TMC4: variants seen among roughly 807,000 people sequenced by gnomAD.
TMC4 encodes the protein transmembrane channel like 4.
Under a neutral mutation model 82.0 loss-of-function variants are expected in TMC4, and 70 were observed. That is an observed-to-expected ratio of 0.85 (90% CI 0.70 to 1.04). The LOEUF (loss-of-function observed/expected upper bound fraction) is 1.04, where lower values mean the gene tolerates loss of function less well. TMC4 is among the 50% of genes least tolerant of loss of function. The pLI is 0.00. For missense variants in TMC4, 879 were observed against 899.0 expected (o/e 0.98, Z 0.28); for synonymous variants, 446 against 406.0 (o/e 1.10, Z -1.18).
chr19:54,169,650 C>A lies in TMC4; in HGVS notation c.304G>T (p.Ala102Ser). The A allele has an allele frequency of 3.1e-6, 5 of 1,613,530 alleles. No individual in the cohort carries two copies. Among genetic ancestry groups the A allele is most frequent in the Non-Finnish European group, 4.2e-6 (5 of 1,179,874 alleles). Residue 102 changes from alanine (A) to serine (S), a missense_variant, in exon 3 of 15, where the codon GCC becomes TCC. Coordinates refer to ENST00000619895, the MANE Select transcript of TMC4 (RefSeq NM_144686.4). ...QARRAHRQRNASRDQVVYGSG... is the reference protein window; with the variant it reads ...QARRAHRQRNSSRDQVVYGSG... ...CCATAGACCACCTGGTCCCTGCTGG[C>A]ATTTCTTTGCCTGGGAGGGAAACAG...
intron 11 of TMC4, 67 bp downstream of exon 11, chr19:54,162,035 C>G: frequency 7.0e-7 from 1 of 1,423,120 alleles, no homozygotes; most frequent in Non-Finnish European, 9.5e-7. Context: ...TCTTCCTTGC[C>G]CTTGACCCAG....
At position 54,164,429 on chromosome 19, in the gene TMC4, C is replaced by T. The variant is rs146200231; in HGVS notation, c.1113+5G>A. On this transcript the variant is annotated splice_donor_5th_base_variant and intron_variant, in intron 7 of 14. Coordinates refer to ENST00000619895, the MANE Select transcript of TMC4 (RefSeq NM_144686.4). The stretch of plus-strand genomic sequence containing the variant: ...CCTGGCTTCCTCTTCCAAGACCGTC[C>T]GCACCTGCAGCTCCACGGTGCACCC... 2.2e-5 allele frequency: 35 copies of T among 1,608,464 alleles called. No homozygotes were observed. In the Admixed American group the frequency reaches 5.2e-4, roughly 24 times the overall value.
At chr19:54,169,710 G>A in intron 2 of TMC4, 50 bp from the exon 3 acceptor site, 1 of 1,601,108 alleles carries the variant, frequency 6.2e-7, no homozygotes, top group Non-Finnish European at 8.5e-7. Context: ...CCCAGACTGG[G>A]AACCATCTGA....
Position 54,169,695 on chromosome 19 carries a change from G to A in TMC4, c.294-35C>T, listed in dbSNP as rs761459901. 1.7e-5 allele frequency: 28 copies of A among 1,608,404 alleles called. No homozygotes were observed. In the Admixed American group the frequency reaches 2.5e-4, roughly 15 times the overall value. ...AAACAGGCAGAAAATGAGGGGTTTC[G>A]CAGCCCCAGACTGGGAACCATCTGA... On this transcript the variant is annotated intron_variant, in intron 2 of 14. Coordinates refer to ENST00000619895, the MANE Select transcript of TMC4 (RefSeq NM_144686.4).
rs1286314851 is a variant in TMC4 at position 54,162,230 on chromosome 19, A to ACTC, written c.1555_1557dup (p.Glu519dup). The ACTC allele has an allele frequency of 2.5e-6, 4 of 1,610,386 alleles. No individual in the cohort carries two copies. Among genetic ancestry groups the ACTC allele is most frequent in the African/African-American group, 2.7e-5 (2 of 74,462 alleles). On this transcript the variant is annotated inframe_insertion, in exon 11 of 15. Coordinates refer to ENST00000619895, the MANE Select transcript of TMC4 (RefSeq NM_144686.4). ...CCCAGCACCTCGTCGGGCACCTGGA[A>ACTC]CTCTTGGGTCCCCGCCAGACGACCC...
At chr19:54,167,387 G>A (rs962429969) in intron 5 of TMC4, among the ~76,000 whole-genome samples, 3 of 151,318 alleles carry the variant, frequency 2.0e-5, no homozygotes, top group Admixed American at 2.0e-4. Flanking sequence ...GCGATACCCC[G>A]TCTCTACTAA....
intron 13 of TMC4, 113 bp downstream of exon 13, chr19:54,160,765 A>G (rs934467285): frequency 6.9e-7 from 1 of 1,451,348 alleles, no homozygotes; most frequent in African/African-American, 1.4e-5. Flanking sequence ...CTCCTCCCTC[A>G]GACTCAGTAC....
Position 54,165,439 on chromosome 19 carries a change from T to C in TMC4, c.925A>G (p.Ile309Val). 1 of 1,608,758 alleles carries C rather than the reference T, an allele frequency of 6.2e-7. No homozygotes were observed. The highest frequency in any genetic ancestry group is 1.7e-5 in the Admixed American group (1 of 59,916). ...GDVHVRLRQR[I>V]ILYELKVELE... is the part of the protein sequence containing the mutation. ...CGCACCTTTAATTCGTACAAGATGA[T>C]GCGCTGGCGCAGCCGCACGTGGACG... The change falls in exon 6 of 15, where the codon ATC becomes GTC. Residue 309 changes from isoleucine to valine, a missense_variant. Physicochemically the swap from Ile to Val is conservative, Grantham distance 29. Coordinates refer to ENST00000619895, the MANE Select transcript of TMC4 (RefSeq NM_144686.4).
chr19:54,164,396 C>T, intron 7 of TMC4, 38 bp downstream of exon 7: 1 of 1,575,696 alleles, frequency 6.3e-7, no homozygotes, highest in Non-Finnish European at 8.6e-7. Context: ...ATGTAGGTTC[C>T]AGGACCCCCT....
chr19:54,163,776 C>G lies in TMC4; in HGVS notation c.1225G>C (p.Ala409Pro), dbSNP rs139710462. Reference protein sequence around the residue: ...FVLPPVFKLIAPLEGYTRSRQ... With the variant: ...FVLPPVFKLIPPLEGYTRSRQ... The stretch of plus-strand genomic sequence containing the variant: ...CTCCGAGTGTAGCCCTCCAGTGGAG[C>G]AATGAGCTTGAACACGGGCGGCAGC... The change falls in exon 8 of 15, where the codon GCT becomes CCT. Residue 409 changes from alanine (A) to proline (P), a missense_variant. Coordinates refer to ENST00000619895, the MANE Select transcript of TMC4 (RefSeq NM_144686.4). The G allele has an allele frequency of 6.2e-7, 1 of 1,614,044 alleles. No homozygotes were observed. The highest frequency in any genetic ancestry group is 1.1e-5 in the South Asian group (1 of 91,068).
chr19:54,173,073 A>T lies in TMC4; in HGVS notation c.45T>A (p.Ser15=), dbSNP rs1459427949. The stretch of plus-strand genomic sequence containing the variant: ...CCTCCCGGGGGGCCAGCCACTCCCT[A>T]GAGGAGCCCCAGGCTTCTGATTCCA... ...PTLESEAWGS[S]REWLAPREAR... is the part of the protein sequence containing the mutation. Residue 15 remains serine (S), a synonymous_variant, in exon 1 of 15, where the codon TCT becomes TCA. Transcript: ENST00000619895. 1 of 1,613,066 alleles carries T rather than the reference A, an allele frequency of 6.2e-7. No homozygotes were observed. The highest frequency in any genetic ancestry group is 1.3e-5 in the African/African-American group (1 of 74,718).
chr19:54,168,459 G>C lies in TMC4; in HGVS notation c.664C>G (p.Leu222Val). 6.5e-7 allele frequency: 1 copy of C among 1,545,120 alleles called. No individual in the cohort carries two copies. Among genetic ancestry groups the C allele is most frequent in the South Asian group, 1.2e-5 (1 of 83,484 alleles). ...ACCCAGGCACCTACCTCACCCGAGA[G>C]CAAGTTGAAGAGCTGGGTGGCAAAG... is the stretch of plus-strand genomic sequence containing the variant. ...VTFATQLFNL[L>V]SGEGYLEWSP... is the part of the protein sequence containing the mutation. The change falls in exon 4 of 15, where the codon CTC becomes GTC. Residue 222 changes from leucine (L) to valine (V), a missense_variant. By Grantham distance (32) the Leu-to-Val change is conservative. Coordinates refer to ENST00000619895, the MANE Select transcript of TMC4 (RefSeq NM_144686.4).
At position 54,171,866 on chromosome 19, in the gene TMC4, T is replaced by C. The variant is rs771963511; in HGVS notation, c.293+4A>G. 1.3e-6 allele frequency: 2 copies of C among 1,593,322 alleles called. No individual in the cohort carries two copies. The highest frequency in any genetic ancestry group is 2.3e-5 in the South Asian group (2 of 87,850). ...GCGGGTCCCAGCTGGAGGTGGGGCC[T>C]CACCTGTGTGCCCGTCTGGCCTGCA... On this transcript the variant is annotated splice_donor_region_variant and intron_variant, in intron 2 of 14. Transcript: ENST00000619895.
At chr19:54,165,608 C>G in intron 5 of TMC4, 42 bp from the exon 6 acceptor site, 1 of 1,577,924 alleles carries the variant, frequency 6.3e-7, no homozygotes, top group Non-Finnish European at 8.6e-7. Context: ...AAAGGACAGC[C>G]AGGAACGGGG....
At chr19:54,171,833 C>G in intron 2 of TMC4, 37 bp downstream of exon 2, 1 of 1,544,272 alleles carries the variant, frequency 6.5e-7, no homozygotes, top group Admixed American at 1.9e-5. Flanking sequence ...GGGCCCGGTC[C>G]GGGCTGTGCG....
chr19:54,160,619 C>A, intron 13 of TMC4, 74 bp from the exon 14 acceptor site: 2 of 1,602,878 alleles, frequency 1.2e-6, no homozygotes, highest in South Asian at 1.1e-5. Flanking sequence ...TCCTTCGAAG[C>A]CAGGGATGTG....
At chr19:54,162,321 G>A in intron 10 of TMC4, 36 bp from the exon 11 acceptor site, 1 of 1,453,960 alleles carries the variant, frequency 6.9e-7, no homozygotes, top group South Asian at 1.4e-5. Context: ...GGAGTCAGGG[G>A]AGTGGCGGCC....
intron 2 of TMC4, among the ~76,000 whole-genome samples, 184 bp from the exon 3 acceptor site, chr19:54,169,844 C>CTTTCT: frequency 6.6e-6 from 1 of 151,904 alleles, no homozygotes; most frequent in South Asian, 2.1e-4. Flanking sequence ...AATCCCAGCA[C>CTTTCT]TTTGGGAGGC....
At chr19:54,163,243 C>T in intron 8 of TMC4, 84 bp from the exon 9 acceptor site, 2 of 1,526,058 alleles carry the variant, frequency 1.3e-6, no homozygotes, top group South Asian at 1.2e-5. Flanking sequence ...CGCCCGCATT[C>T]AACCCATCTC....
Sources: allele counts gnomAD v4.1 joint callset (sites outside exome capture counted in the v4.1 genomes callset), GRCh38; gene constraint gnomAD v4.1.1; transcripts MANE v1.5; gene names NCBI Gene and HGNC (gene_info 2026-07-23, HGNC 2026-07-21).